Variants in SLC12A2 observed in about 807,000 individuals in gnomAD.
SLC12A2 encodes the protein solute carrier family 12 member 2, also known as Na-K-2Cl cotransporter 1.
SLC12A2 carries 67 observed loss-of-function variants against 136.3 expected under a neutral mutation model. The ratio of observed to expected loss-of-function variants is 0.49; its 90% CI spans 0.40 to 0.60. SLC12A2 has a LOEUF of 0.60. SLC12A2 is among the 20% of genes least tolerant of loss of function. The pLI is 0.00. For synonymous variants in SLC12A2, 619 were observed against 562.9 expected (o/e 1.10, Z -1.41); for missense variants, 1,322 against 1,534.7 (o/e 0.86, Z 2.32).
intron 4 of SLC12A2, among the ~76,000 whole-genome samples, chr5:128,125,196 A>G (rs895846973): frequency 7.9e-5 from 12 of 152,324 alleles, no homozygotes; most frequent in African/African-American, 2.6e-4. Context: ...GATTTTAGTT[A>G]TGGGACTAAA....
chr5:128,171,401 G>T lies in SLC12A2; in HGVS notation c.2724-266G>T, dbSNP rs571980723. 3.3e-5 allele frequency among the ~76,000 whole-genome samples: 5 copies of T among 152,238 alleles called. No homozygotes were observed. In the South Asian group the frequency reaches 1.0e-3, roughly 32 times the overall value. On this transcript the variant is annotated intron_variant, in intron 18 of 26. Coordinates refer to ENST00000262461, the MANE Select transcript of SLC12A2 (RefSeq NM_001046.3). The stretch of plus-strand genomic sequence containing the variant: ...AACTTAGTAGGATAAAAATACTGCT[G>T]CTGCTTTAAACCGCTGCTGTAGGTA...
chr5:128,126,654 T>C (rs940332002), intron 4 of SLC12A2, among the ~76,000 whole-genome samples: 1 of 152,126 alleles, frequency 6.6e-6, no homozygotes, highest in African/African-American at 2.4e-5. Context: ...TTCAAATCTC[T>C]AGGACTTTTC....
chr5:128,147,560 T>C lies in SLC12A2; in HGVS notation c.1774-62T>C, dbSNP rs965472682. The C allele has an allele frequency of 1.2e-4, 125 of 1,022,312 alleles. No individual in the cohort carries two copies. The African/African-American group carries it at 1.9e-3, about 16-fold the overall frequency. 63.3% of individuals were successfully genotyped at this position (1,022,312 alleles called of 1,614,324 possible). A position where few individuals can be genotyped will look rare whatever the true frequency, so the allele number is the denominator to read the frequency against. On this transcript the variant is annotated intron_variant, in intron 10 of 26. Transcript: ENST00000262461. ...TCCTTCAAGATGTGACCACATAATATTGTGTTATTTTCTGAATTGTTTGTG... is the reference window on the plus strand; with the variant it reads ...TCCTTCAAGATGTGACCACATAATACTGTGTTATTTTCTGAATTGTTTGTG...
At chr5:128,088,135 G>A (rs1029811055) in intron 1 of SLC12A2, among the ~76,000 whole-genome samples, 1 of 151,856 alleles carries the variant, frequency 6.6e-6, no homozygotes, top group African/African-American at 2.4e-5. Context: ...TGGTAGATAA[G>A]AGAACAGAAA....
intron 23 of SLC12A2, 116 bp from the exon 24 acceptor site, chr5:128,182,738 AT>A (rs1221069248): frequency 6.4e-6 from 4 of 620,578 alleles, no homozygotes; most frequent in Non-Finnish European, 1.1e-5. Flanking sequence ...TCAAATGGAT[AT>A]TGTTTAGCAT....
intron 1 of SLC12A2, among the ~76,000 whole-genome samples, chr5:128,094,477 T>C (rs1760449230): frequency 6.6e-6 from 1 of 152,012 alleles, no homozygotes; most frequent in South Asian, 2.1e-4. Flanking sequence ...CAGGCATTAC[T>C]GAGTCTCAGT....
chr5:128,131,773 A>G (rs1762031752), intron 5 of SLC12A2, among the ~76,000 whole-genome samples: 1 of 152,158 alleles, frequency 6.6e-6, no homozygotes, highest in South Asian at 2.1e-4. Flanking sequence ...TGGGAGGCAG[A>G]GTTGGGCGGA....
intron 1 of SLC12A2, among the ~76,000 whole-genome samples, chr5:128,085,338 T>C (rs1760061178): frequency 6.6e-6 from 1 of 150,382 alleles, no homozygotes; most frequent in African/African-American, 2.5e-5. Flanking sequence ...TTGGGAGAGG[T>C]GTATATTTAA....
intron 1 of SLC12A2, among the ~76,000 whole-genome samples, chr5:128,094,167 C>A (rs566095698): frequency 3.8e-4 from 57 of 151,130 alleles, no homozygotes; most frequent in Admixed American, 1.3e-4. Context: ...TCAACTTAAG[C>A]TAACTTCAAG....
intron 17 of SLC12A2, 28 bp from the exon 18 acceptor site, chr5:128,167,731 CTG>C: frequency 2.1e-6 from 3 of 1,422,648 alleles, no homozygotes; most frequent in South Asian, 1.2e-5. Context: ...AATAATATAT[CTG>C]TAAAGTTATA....
intron 4 of SLC12A2, among the ~76,000 whole-genome samples, chr5:128,121,217 G>A (rs1318441151): frequency 6.6e-6 from 1 of 152,142 alleles, no homozygotes; most frequent in Non-Finnish European, 1.5e-5. Context: ...TCATGTAATG[G>A]AAACATGCAA....
chr5:128,186,065 T>A lies in SLC12A2; in HGVS notation c.3504-431T>A, dbSNP rs185689480. 5.1e-3 allele frequency among the ~76,000 whole-genome samples: 772 copies of A among 151,658 alleles called. 4 individuals carry two copies. The highest frequency in any genetic ancestry group is 7.0e-3 in the Non-Finnish European group (478 of 67,908). ...TAAGACCCCATCTCTCTTAAAAAAA[T>A]ATATATATATTTTTACTGTATCTTT... On this transcript the variant is annotated intron_variant, in intron 26 of 26. Coordinates refer to ENST00000262461, the MANE Select transcript of SLC12A2 (RefSeq NM_001046.3).
At chr5:128,093,348 C>G (rs888987759) in intron 1 of SLC12A2, among the ~76,000 whole-genome samples, 3 of 152,000 alleles carry the variant, frequency 2.0e-5, no homozygotes, top group Non-Finnish European at 4.4e-5. Flanking sequence ...CCTCTTTTTT[C>G]TCTCCTTATG....
chr5:128,115,709 A>G (rs1385464585), intron 4 of SLC12A2, among the ~76,000 whole-genome samples: 1 of 152,184 alleles, frequency 6.6e-6, no homozygotes, highest in African/African-American at 2.4e-5. Flanking sequence ...GAAAAGATCT[A>G]TTTCATCTGC....
At chr5:128,171,311 G>C (rs1475421086) in intron 18 of SLC12A2, among the ~76,000 whole-genome samples, 3 of 151,936 alleles carry the variant, frequency 2.0e-5, no homozygotes, top group African/African-American at 7.3e-5. Context: ...TATTTCTCTT[G>C]GTTTTAATGG....
chr5:128,115,449 A>G (rs1490100926), intron 4 of SLC12A2, among the ~76,000 whole-genome samples: 3 of 152,014 alleles, frequency 2.0e-5, no homozygotes, highest in Non-Finnish European at 2.9e-5. Context: ...TCATACTTTC[A>G]AGTCTAGCTT....
At chr5:128,158,443 A>G (rs1023381275) in intron 16 of SLC12A2, among the ~76,000 whole-genome samples, 1 of 152,168 alleles carries the variant, frequency 6.6e-6, no homozygotes, top group Non-Finnish European at 1.5e-5. Flanking sequence ...AGAAGTGTGA[A>G]CATGTGGTAT....
chr5:128,120,229 G>A (rs1389064594), intron 4 of SLC12A2, among the ~76,000 whole-genome samples: 1 of 151,152 alleles, frequency 6.6e-6, no homozygotes, highest in Non-Finnish European at 1.5e-5. Context: ...GAGAGGATGT[G>A]GAGAAATAGG....
chr5:128,181,182 T>C (rs1164662066), intron 23 of SLC12A2, among the ~76,000 whole-genome samples, 188 bp downstream of exon 23: 1 of 152,216 alleles, frequency 6.6e-6, no homozygotes, highest in Non-Finnish European at 1.5e-5. Context: ...AAATACTTAA[T>C]TTTACTTAGA....
Sources: gnomAD v4.1 joint callset for allele counts (sites outside exome capture counted in the v4.1 genomes callset) on GRCh38, gnomAD v4.1.1 for gene constraint, MANE v1.5 for transcripts, NCBI Gene and HGNC (gene_info 2026-07-23, HGNC 2026-07-21) for gene names.